Variants in PTGIS observed in about 807,000 individuals in gnomAD.
PTGIS encodes the protein prostacyclin synthase.
A neutral mutation model predicts 50.3 loss-of-function variants in PTGIS; 45 were observed. The ratio of observed to expected loss-of-function variants is 0.90; its 90% CI spans 0.70 to 1.15. The LOEUF (loss-of-function observed/expected upper bound fraction) is 1.15, where lower values mean the gene tolerates loss of function less well. Ranked by LOEUF, PTGIS falls within the 50% of genes most tolerant of loss-of-function variation. The pLI, the probability that PTGIS is intolerant of heterozygous loss-of-function variation, is 0.00. For synonymous variants in PTGIS, 260 were observed against 267.7 expected (o/e 0.97, Z 0.28); for missense variants, 668 against 661.3 (o/e 1.01, Z -0.11).
chr20:49,568,130 G>GGGCTGGCGT lies in PTGIS; in HGVS notation c.-15_-14insACGCCAGCC. ...GGCCCAAGCCATCGCGGGGCTGGCGGGGCTGGCGGGGCTGGCGGGGCTGGC... is the reference window on the plus strand; with the variant it reads ...GGCCCAAGCCATCGCGGGGCTGGCGGGGCTGGCGTGGCTGGCGGGGCTGGCGGGGCTGGC... On this transcript the variant is annotated 5_prime_UTR_variant, in exon 1 of 10. Coordinates refer to ENST00000244043, the MANE Select transcript of PTGIS (RefSeq NM_000961.4). The GGGCTGGCGT allele has an allele frequency of 1.7e-6, 2 of 1,170,654 alleles. No homozygotes were observed. Among genetic ancestry groups the GGGCTGGCGT allele is most frequent in the Non-Finnish European group, 2.2e-6 (2 of 904,796 alleles). The allele number at this position is 1,170,654 out of a possible 1,614,324, so 72.5% of individuals were successfully genotyped here.
At chr20:49,565,879 C>T (rs1982884111) in intron 1 of PTGIS, among the ~76,000 whole-genome samples, 1 of 152,170 alleles carries the variant, frequency 6.6e-6, no homozygotes, top group South Asian at 2.1e-4. Context: ...GACCCTCATT[C>T]CCACACTTCT....
intron 5 of PTGIS, among the ~76,000 whole-genome samples, chr20:49,531,962 A>C (rs1275765874): frequency 4.6e-5 from 7 of 152,196 alleles, no homozygotes; most frequent in Non-Finnish European, 1.0e-4. Flanking sequence ...CATAAAGGCC[A>C]AGTGTTGTTC....
Position 49,507,027 on chromosome 20 carries a change from T to A in PTGIS, c.*893A>T, listed in dbSNP as rs1385558996. 2.0e-5 allele frequency: 3 copies of A among 152,182 alleles called. No homozygotes were observed. Among genetic ancestry groups the A allele is most frequent in the Non-Finnish European group, 4.4e-5 (3 of 68,018 alleles). The allele number at this position is 152,182 out of a possible 1,614,324, so 9.4% of individuals were successfully genotyped here. Reference sequence around the variant, plus strand: ...GATGATAACAACTAAGGCATTTTTTTAAGTGAAGTCCAAACAAAACACGTC... The same window carrying A: ...GATGATAACAACTAAGGCATTTTTTAAAGTGAAGTCCAAACAAAACACGTC... On this transcript the variant is annotated 3_prime_UTR_variant, in exon 10 of 10. Transcript: ENST00000244043.
At chr20:49,521,715 G>A (rs879699271) in intron 6 of PTGIS, among the ~76,000 whole-genome samples, 1 of 152,186 alleles carries the variant, frequency 6.6e-6, no homozygotes, top group Non-Finnish European at 1.5e-5. Flanking sequence ...GCTGCAAGTC[G>A]ATGGGAGAGG....
chr20:49,567,943 C>G (rs981389919), intron 1 of PTGIS, 100 bp downstream of exon 1: 103 of 1,186,356 alleles, frequency 8.7e-5, no homozygotes, highest in Non-Finnish European at 1.1e-4. Flanking sequence ...TGGAGCGGGA[C>G]TCGGGCCGGG....
chr20:49,533,853 C>T (rs1026103145), intron 5 of PTGIS, among the ~76,000 whole-genome samples: 1 of 152,088 alleles, frequency 6.6e-6, no homozygotes. Flanking sequence ...CCCAGCTACT[C>T]GGGGGGCTGA....
chr20:49,567,182 T>C (rs1429907429), intron 1 of PTGIS, among the ~76,000 whole-genome samples: 1 of 152,204 alleles, frequency 6.6e-6, no homozygotes, highest in Non-Finnish European at 1.5e-5. Context: ...GTCGAATGTA[T>C]TCAGCTATTC....
chr20:49,553,982 AAT>A (rs1555805466), intron 1 of PTGIS, among the ~76,000 whole-genome samples: 1 of 152,204 alleles, frequency 6.6e-6, no homozygotes, highest in Admixed American at 6.5e-5. Context: ...AATTATTTAT[AAT>A]AGTCTTTCTA....
At chr20:49,509,673 C>T (rs766455889) in intron 9 of PTGIS, among the ~76,000 whole-genome samples, 2 of 152,130 alleles carry the variant, frequency 1.3e-5, no homozygotes, top group Non-Finnish European at 2.9e-5. Context: ...TACACATGCA[C>T]ACAACTAAGC....
intron 1 of PTGIS, among the ~76,000 whole-genome samples, chr20:49,551,806 T>G (rs470298): frequency 2.8e-5 from 4 of 142,678 alleles, no homozygotes; most frequent in African/African-American, 7.5e-5. Flanking sequence ...GTGTATGTGT[T>G]TGTGTGTGTG....
At chr20:49,518,832 A>G (rs1981568031) in intron 6 of PTGIS, among the ~76,000 whole-genome samples, 1 of 152,096 alleles carries the variant, frequency 6.6e-6, no homozygotes, top group African/African-American at 2.4e-5. Flanking sequence ...CAGATGCCTC[A>G]AGGATTCTTC....
rs539909530 is a variant in PTGIS, at chr20:49,568,038, C to G, written c.74+5G>C. The G allele has an allele frequency of 1.4e-6, 2 of 1,480,956 alleles. No individual in the cohort carries two copies. Among genetic ancestry groups the G allele is most frequent in the African/African-American group, 1.5e-5 (1 of 68,102 alleles). 91.7% of individuals were successfully genotyped at this position (1,480,956 alleles called of 1,614,324 possible). A position where few individuals can be genotyped will look rare whatever the true frequency, so the allele number is the denominator to read the frequency against. On this transcript the variant is annotated splice_donor_5th_base_variant and intron_variant, in intron 1 of 9. Coordinates refer to ENST00000244043, the MANE Select transcript of PTGIS (RefSeq NM_000961.4). Reference sequence around the variant, plus strand: ...TGGCGGGGCCGAGCGGAGCAGGACACTCACCGCGTGCGGCGGCGGCTCAGT... The same window carrying G: ...TGGCGGGGCCGAGCGGAGCAGGACAGTCACCGCGTGCGGCGGCGGCTCAGT...
chr20:49,536,490 T>TCTTTCTTTC (rs1982077211), intron 5 of PTGIS, among the ~76,000 whole-genome samples: 1 of 142,350 alleles, frequency 7.0e-6, no homozygotes, highest in African/African-American at 2.7e-5. Context: ...TTTTTTTTTT[T>TCTTTCTTTC]TTTTTTTTGA....
intron 1 of PTGIS, among the ~76,000 whole-genome samples, chr20:49,562,564 C>G (rs1046690367): frequency 2.4e-4 from 36 of 152,340 alleles, no homozygotes; most frequent in African/African-American, 7.9e-4. Flanking sequence ...TAGCCCCACC[C>G]ACGGACACTC....
At chr20:49,546,693 C>A (rs1445173129) in intron 3 of PTGIS, among the ~76,000 whole-genome samples, 1 of 152,202 alleles carries the variant, frequency 6.6e-6, no homozygotes, top group Admixed American at 6.5e-5. Context: ...AGTCACTTCA[C>A]CTCTCTGAGC....
rs1366093904 is a variant in PTGIS at position 49,504,293 on chromosome 20, C to T, written c.*3627G>A. 6.6e-6 allele frequency: 1 copy of T among 152,266 alleles called. No individual in the cohort carries two copies. Among genetic ancestry groups the T allele is most frequent in the Non-Finnish European group, 1.5e-5 (1 of 68,080 alleles). 9.4% of individuals were successfully genotyped at this position (152,266 alleles called of 1,614,324 possible). Reference sequence around the variant, plus strand: ...AGCCTTGGCCACACCAGCATGGAGCCCCCTTCCCCAGCGAATTTATTTTTC... The same window carrying T: ...AGCCTTGGCCACACCAGCATGGAGCTCCCTTCCCCAGCGAATTTATTTTTC... On this transcript the variant is annotated 3_prime_UTR_variant, in exon 10 of 10. Transcript: ENST00000244043.
At chr20:49,523,910 C>T (rs149106154) in intron 6 of PTGIS, 148 bp downstream of exon 6, 1 of 1,042,644 alleles carries the variant, frequency 9.6e-7, no homozygotes, top group Non-Finnish European at 1.4e-6. Flanking sequence ...TCAGCACACA[C>T]TCACAAATGC....
chr20:49,540,676 C>T lies in PTGIS; in HGVS notation c.522-955G>A, dbSNP rs796901254. On this transcript the variant is annotated intron_variant, in intron 4 of 9. Transcript: ENST00000244043. The surrounding 1 kb of genome is among the most constrained non-coding windows in gnomAD (Gnocchi z 4.8). Reference sequence around the variant, plus strand: ...TGAGGCACACTTACGCACACGCACACGCACACACACAGGACCACGCTCAGA... The same window carrying T: ...TGAGGCACACTTACGCACACGCACATGCACACACACAGGACCACGCTCAGA... 5.8e-4 allele frequency among the ~76,000 whole-genome samples: 88 copies of T among 152,280 alleles called. No individual in the cohort carries two copies. The highest frequency in any genetic ancestry group is 2.0e-3 in the African/African-American group (82 of 41,558).
intron 2 of PTGIS, among the ~76,000 whole-genome samples, chr20:49,549,604 T>C (rs879847540): frequency 6.6e-6 from 1 of 152,132 alleles, no homozygotes; most frequent in Non-Finnish European, 1.5e-5. Flanking sequence ...GATAAATGAA[T>C]TGACAGATGT....
Sources: allele counts gnomAD v4.1 joint callset (sites outside exome capture counted in the v4.1 genomes callset), GRCh38; gene constraint gnomAD v4.1.1; non-coding constraint Gnocchi (gnomAD v3.1); transcripts MANE v1.5; gene names NCBI Gene and HGNC (gene_info 2026-07-23, HGNC 2026-07-21).